The following USP34 variants were observed in gnomAD, a reference collection of about 807,000 sequenced individuals.
The protein encoded by USP34 is ubiquitin carboxyl-terminal hydrolase 34.
In USP34, 70 loss-of-function variants were observed where a neutral mutation model predicts 460.3. That is an observed-to-expected ratio of 0.15 (90% CI 0.13 to 0.19). The LOEUF is 0.19. USP34 is among the 10% of genes least tolerant of loss of function. The probability of loss-of-function intolerance (pLI) is 1.00; values close to 1 mark genes in which losing one functional copy is unlikely to be tolerated. For synonymous variants in USP34, 1,647 were observed against 1,405.3 expected, an observed-to-expected ratio of 1.17 and a Z score of -3.85; for missense variants, 3,985 against 4,236.2, an observed-to-expected ratio of 0.94 and a Z score of 1.65.
chr2:61,191,568 C>T (rs902399547), intron 76 of USP34, among the ~76,000 whole-genome samples: 9 of 152,280 alleles, frequency 5.9e-5, no homozygotes, highest in African/African-American at 2.2e-4. Context: ...GTGCCTCTGC[C>T]TCTGTTTCTT....
chr2:61,292,771 T>G (rs981958922), intron 33 of USP34, among the ~76,000 whole-genome samples: 3 of 152,206 alleles, frequency 2.0e-5, no homozygotes, highest in Non-Finnish European at 2.9e-5. Flanking sequence ...TACAATGAGC[T>G]TGAAACTGGC....
At chr2:61,309,494 G>T (rs937368936) in intron 27 of USP34, among the ~76,000 whole-genome samples, 1 of 152,052 alleles carries the variant, frequency 6.6e-6, no homozygotes, top group Admixed American at 6.6e-5. Flanking sequence ...TGCATTGAGG[G>T]TTATCATGAC....
At chr2:61,212,194 G>T (rs1687288938) in intron 68 of USP34, among the ~76,000 whole-genome samples, 1 of 152,138 alleles carries the variant, frequency 6.6e-6, no homozygotes, top group South Asian at 2.1e-4. Context: ...GCAACATGAT[G>T]AAACTCTGTC....
At chr2:61,434,768 A>AGG (rs36007708) in intron 1 of USP34, among the ~76,000 whole-genome samples, 16,203 of 148,636 alleles carry the variant, frequency 0.11, 1,071 homozygotes, top group South Asian at 0.28. Flanking sequence ...TAAAATTGAA[A>AGG]GGGGGGGGGT....
intron 27 of USP34, among the ~76,000 whole-genome samples, chr2:61,303,323 C>G (rs1690288450): frequency 6.6e-6 from 1 of 152,156 alleles, no homozygotes; most frequent in Non-Finnish European, 1.5e-5. Flanking sequence ...GCCTCGGCCC[C>G]CCAAAGTGCT....
At chr2:61,383,101 A>T (rs1481206139) in intron 6 of USP34, among the ~76,000 whole-genome samples, 168 bp downstream of exon 6, 1 of 152,204 alleles carries the variant, frequency 6.6e-6, no homozygotes. Context: ...TAACCATTAA[A>T]TATAAATCCA....
At chr2:61,290,336 G>C (rs2123113) in intron 33 of USP34, among the ~76,000 whole-genome samples, 22,136 of 151,976 alleles carry the variant, frequency 0.15, 2,159 homozygotes, top group South Asian at 0.37. Context: ...TTCATCACTT[G>C]GTATTAATCC....
chr2:61,431,361 T>C (rs781561345), intron 1 of USP34, among the ~76,000 whole-genome samples: 15 of 152,188 alleles, frequency 9.9e-5, no homozygotes, highest in Admixed American at 3.3e-4. Context: ...TAGCTGAGAC[T>C]ACAGGTGCAT....
intron 1 of USP34, among the ~76,000 whole-genome samples, chr2:61,436,198 G>A (rs1219626467): frequency 6.6e-6 from 1 of 151,736 alleles, no homozygotes; most frequent in Non-Finnish European, 1.5e-5. Context: ...GGGCACAGTG[G>A]CTCATGCTGT....
intron 16 of USP34, among the ~76,000 whole-genome samples, chr2:61,340,083 A>C (rs570558787): frequency 6.6e-6 from 1 of 152,288 alleles, no homozygotes; most frequent in South Asian, 2.1e-4. Flanking sequence ...TAATATTTTC[A>C]CATCAAGAGA....
rs188248524 is a variant in USP34, at chr2:61,371,131, T to C, written c.1077-552A>G. Among the ~76,000 whole-genome samples the C allele has an allele frequency of 5.3e-5, 8 of 152,246 alleles. No homozygotes were observed. In the East Asian group the frequency reaches 1.5e-3, roughly 29 times the overall value. ...ATGGCAGACCAAAGGATGGACCAAA[T>C]ATACAACAGTGGTCCCATAAGATTA... On this transcript the variant is annotated intron_variant, in intron 8 of 79. Coordinates refer to ENST00000398571, the MANE Select transcript of USP34 (RefSeq NM_014709.4).
chr2:61,403,662 C>G (rs182719760), intron 3 of USP34, among the ~76,000 whole-genome samples: 686 of 152,170 alleles, frequency 4.5e-3, no homozygotes, highest in Non-Finnish European at 5.1e-3. Flanking sequence ...CTTTCTCCCC[C>G]ACCCAGAGCA....
intron 6 of USP34, among the ~76,000 whole-genome samples, 165 bp from the exon 7 acceptor site, chr2:61,380,526 C>G (rs1043030739): frequency 2.6e-5 from 4 of 152,182 alleles, no homozygotes; most frequent in African/African-American, 9.7e-5. Flanking sequence ...TGGCAGATTC[C>G]TTCTCTGCTG....
chr2:61,403,511 ACTTT>A (rs1693780402), intron 3 of USP34, among the ~76,000 whole-genome samples: 1 of 152,140 alleles, frequency 6.6e-6, no homozygotes, highest in Non-Finnish European at 1.5e-5. Flanking sequence ...GCCTGATGGG[ACTTT>A]CTTTTGTTGA....
intron 33 of USP34, among the ~76,000 whole-genome samples, chr2:61,292,531 C>A (rs1015766934): frequency 6.6e-6 from 1 of 152,308 alleles, no homozygotes; most frequent in East Asian, 1.9e-4. Context: ...GGAAGAACAA[C>A]TGTCTTGGCC....
chr2:61,432,813 C>G (rs1694714895), intron 1 of USP34, among the ~76,000 whole-genome samples: 1 of 151,862 alleles, frequency 6.6e-6, no homozygotes. Flanking sequence ...CATAAACTTT[C>G]CCATTTCTGC....
At chr2:61,459,358 A>C (rs1007601894) in intron 1 of USP34, among the ~76,000 whole-genome samples, 1 of 152,190 alleles carries the variant, frequency 6.6e-6, no homozygotes, top group African/African-American at 2.4e-5. Flanking sequence ...ACACTGTATA[A>C]GAAATTTCAG....
intron 76 of USP34, among the ~76,000 whole-genome samples, 192 bp downstream of exon 76, chr2:61,192,709 A>T (rs1417322553): frequency 1.3e-5 from 2 of 152,256 alleles, no homozygotes; most frequent in Admixed American, 6.5e-5. Flanking sequence ...AATCTACTTA[A>T]GTTAAAAAAA....
intron 1 of USP34, among the ~76,000 whole-genome samples, chr2:61,448,414 C>T (rs536984458): frequency 6.6e-6 from 1 of 152,262 alleles, no homozygotes; most frequent in African/African-American, 2.4e-5. Flanking sequence ...AATAGCACCA[C>T]ACTCTGGCCC....
Sources: gnomAD v4.1 joint callset for allele counts (sites outside exome capture counted in the v4.1 genomes callset) on GRCh38, gnomAD v4.1.1 for gene constraint, MANE v1.5 for transcripts, NCBI Gene and HGNC (gene_info 2026-07-23, HGNC 2026-07-21) for gene names.